KCP: variants seen among roughly 807,000 people sequenced by gnomAD.
KCP encodes the protein kielin/chordin-like protein.
KCP carries 194 observed loss-of-function variants against 212.7 expected under a neutral mutation model. The observed-to-expected ratio is 0.91, with a 90% CI of 0.81 to 1.03. KCP has a LOEUF of 1.03. KCP is among the 50% of genes least tolerant of loss of function. KCP has a pLI of 0.00. For missense variants in KCP, 2,080 were observed against 2,162.5 expected, an observed-to-expected ratio of 0.96 and a Z score of 0.76; for synonymous variants, 833 against 865.3, an observed-to-expected ratio of 0.96 and a Z score of 0.65.
chr7:128,906,452 A>C lies in KCP; in HGVS notation c.487-89T>G, dbSNP rs1256310230. ...GTAAAACCTCAGCCCAGGCTGGGAC[A>C]TGTCATAGGGGCAAGAGGATGAGTT... is the stretch of plus-strand genomic sequence containing the variant. On this transcript the variant is annotated intron_variant, in intron 4 of 39. Coordinates refer to ENST00000610776, the MANE Select transcript of KCP (RefSeq NM_001366122.1). The C allele has an allele frequency of 3.2e-6, 3 of 923,432 alleles. No homozygotes were observed. In the African/African-American group the frequency reaches 4.9e-5, roughly 15 times the overall value. The allele number at this position is 923,432 out of a possible 1,614,324, so 57.2% of individuals were successfully genotyped here.
At position 128,892,710 on chromosome 7, in the gene KCP, G is replaced by T; in HGVS notation, c.1505C>A (p.Pro502His). Residue 502 changes from proline to histidine, a missense_variant, in exon 15 of 40, where the codon CCT becomes CAT. Coordinates refer to ENST00000610776, the MANE Select transcript of KCP (RefSeq NM_001366122.1). ...NGQNFTDADS[P>H]CHACHCQDGT... is the part of the protein sequence containing the mutation. ...TACCTGACAGTGGCAGGCATGGCAA[G>T]GGCTGTCTGCATCCGTGAAGTTCTG... 1 of 1,551,656 alleles carries T rather than the reference G, an allele frequency of 6.4e-7. No individual in the cohort carries two copies. Among genetic ancestry groups the T allele is most frequent in the Non-Finnish European group, 8.7e-7 (1 of 1,146,952 alleles).
Position 128,888,934 on chromosome 7 carries a change from CGGCCGCA to C in KCP, c.2434_2440del (p.Cys812AlafsTer271). 3.9e-6 allele frequency: 6 copies of C among 1,549,972 alleles called. No individual in the cohort carries two copies. In the South Asian group the frequency reaches 6.0e-5, roughly 15 times the overall value. On this transcript the variant is annotated frameshift_variant, in exon 22 of 40. Transcript: ENST00000610776. LOFTEE classifies it high-confidence loss of function. ...GCAGCCCGGAGGCTCACAGGGCCGG[CGGCCGCA>C]GGTCACGAAGCCTCCAAGACAGGTA...
chr7:128,881,639 G>A lies in KCP; in HGVS notation c.3411C>T (p.Cys1137=), dbSNP rs886632916. 6.0e-6 allele frequency: 9 copies of A among 1,504,326 alleles called. No individual in the cohort carries two copies. Among genetic ancestry groups the A allele is most frequent in the Non-Finnish European group, 8.0e-6 (9 of 1,131,710 alleles). 93.2% of individuals were successfully genotyped at this position (1,504,326 alleles called of 1,614,324 possible). A position where few individuals can be genotyped will look rare whatever the true frequency, so the allele number is the denominator to read the frequency against. ...CTGGGCACTTACCCCGGCATACGGG[G>A]CAGCAGCTCCCAGGGGGAGTGTGGC... ...SERHTPPGSC[C]PVCRECVVEA... The change falls in exon 31 of 40, where the codon TGC becomes TGT. Residue 1137 remains cysteine (C), a synonymous_variant. Coordinates refer to ENST00000610776, the MANE Select transcript of KCP (RefSeq NM_001366122.1).
At position 128,885,335 on chromosome 7, in the gene KCP, C is replaced by A; in HGVS notation, c.2867-65G>T. ...GATCTGGACATCTGCTCCTGGCCCC[C>A]ACCCTCAGTGGTCAGCTAGGCACGT... On this transcript the variant is annotated intron_variant, in intron 26 of 39. Coordinates refer to ENST00000610776, the MANE Select transcript of KCP (RefSeq NM_001366122.1). The A allele has an allele frequency of 2.0e-6, 3 of 1,472,964 alleles. No homozygotes were observed. The South Asian group carries it at 4.0e-5, about 20-fold the overall frequency. 91.2% of individuals were successfully genotyped at this position (1,472,964 alleles called of 1,614,324 possible).
intron 1 of KCP, among the ~76,000 whole-genome samples, chr7:128,909,641 G>T (rs1400879332): frequency 6.6e-6 from 1 of 151,924 alleles, no homozygotes. Context: ...AAGACAAAGC[G>T]TCCCTGCCTC....
chr7:128,885,336 A>T, intron 26 of KCP, 66 bp from the exon 27 acceptor site: 3 of 1,469,838 alleles, frequency 2.0e-6, no homozygotes, highest in Non-Finnish European at 2.7e-6. Flanking sequence ...CCTGGCCCCC[A>T]CCCTCAGTGG....
Position 128,893,809 on chromosome 7 carries a change from C to T in KCP, c.1096G>A (p.Asp366Asn), listed in dbSNP as rs1305219856. ...KIPGQCCPVC[D>N]GCEYQGHQYQ... is the part of the protein sequence containing the mutation. ...AGAGACCCCGGCCCCCACTCACCAT[C>T]GCAGACAGGGCAGCACTGCCCAGGG... is the stretch of plus-strand genomic sequence containing the variant. Residue 366 changes from aspartate (D) to asparagine (N), a missense_variant, in exon 11 of 40, where the codon GAT becomes AAT. By Grantham distance (23) the Asp-to-Asn change is conservative (BLOSUM62 1). Transcript: ENST00000610776. 35 of 1,550,428 alleles carry T rather than the reference C, an allele frequency of 2.3e-5. No homozygotes were observed. Among genetic ancestry groups the T allele is most frequent in the African/African-American group, 2.7e-5 (2 of 73,070 alleles).
rs558066345 is a variant in KCP at position 128,892,999 on chromosome 7, C to A, written c.1290G>T (p.Glu430Asp). ...LCPACELDGE[E>D]FAEGVQWEPD... is the part of the protein sequence containing the mutation. ...GCTCCCACTGGACTCCCTCAGCAAA[C>A]TCCTCTCCATCCAGCTCACAGGCTG... Residue 430 changes from glutamate (E) to aspartate (D), a missense_variant, in exon 14 of 40, where the codon GAG becomes GAT. By Grantham distance (45) the Glu-to-Asp change is conservative. Coordinates refer to ENST00000610776, the MANE Select transcript of KCP (RefSeq NM_001366122.1). 37 of 994,158 alleles carry A rather than the reference C, an allele frequency of 3.7e-5. No individual in the cohort carries two copies. Among genetic ancestry groups the A allele is most frequent in the Non-Finnish European group, 5.6e-5 (36 of 637,770 alleles). The allele number at this position is 994,158 out of a possible 1,614,324, so 61.6% of individuals were successfully genotyped here.
intron 22 of KCP, among the ~76,000 whole-genome samples, chr7:128,887,892 C>T (rs556184605): frequency 4.5e-4 from 67 of 149,890 alleles, no homozygotes; most frequent in African/African-American, 1.3e-3. Flanking sequence ...CACATAGCCA[C>T]GCACACACAT....
At chr7:128,910,423 G>T (rs772691290) in intron 1 of KCP, among the ~76,000 whole-genome samples, 178 bp downstream of exon 1, 3 of 152,246 alleles carry the variant, frequency 2.0e-5, no homozygotes, top group Non-Finnish European at 2.9e-5. Context: ...TTTGGCCGTG[G>T]TCTTCCCCAC....
At chr7:128,877,350 G>A in intron 39 of KCP, 39 bp from the exon 40 acceptor site, 1 of 1,527,308 alleles carries the variant, frequency 6.5e-7, no homozygotes, top group Non-Finnish European at 8.8e-7. Flanking sequence ...CAAGGCACCT[G>A]AAACTGCCCC....
chr7:128,890,835 G>A (rs1794066046), intron 20 of KCP, 70 bp downstream of exon 20: 1 of 1,165,154 alleles, frequency 8.6e-7, no homozygotes, highest in East Asian at 3.0e-5. Context: ...AGGGGACTGG[G>A]CAGGGCGCTC....
In KCP at chr7:128,885,265, G is replaced by T; in HGVS notation, c.2872C>A (p.Leu958Met). 6.5e-7 allele frequency: 1 copy of T among 1,542,570 alleles called. No individual in the cohort carries two copies. Among genetic ancestry groups the T allele is most frequent in the Non-Finnish European group, 8.8e-7 (1 of 1,140,658 alleles). ...TCGGGGTGCTCTTCCCCATGAGCCA[G>T]GCAGCCTGTGGTGCAAAGTGGGCAG... ...GSCCPRCRGC[L>M]AHGEEHPEGS... is the part of the protein sequence containing the mutation. Residue 958 changes from leucine to methionine, a missense_variant, in exon 27 of 40, where the codon CTG becomes ATG. Physicochemically the swap from Leu to Met is conservative, Grantham distance 15. Transcript: ENST00000610776.
intron 26 of KCP, among the ~76,000 whole-genome samples, chr7:128,886,071 TTTTTG>T (rs1417628586): frequency 2.6e-5 from 4 of 152,144 alleles, no homozygotes; most frequent in African/African-American, 9.7e-5. Flanking sequence ...GAGGGGCAGC[TTTTTG>T]TTTTATTTTT....
Position 128,907,231 on chromosome 7 carries a change from G to T in KCP, c.409+33C>A, listed in dbSNP as rs1382095397. 4 of 1,537,904 alleles carry T rather than the reference G, an allele frequency of 2.6e-6. No individual in the cohort carries two copies. The South Asian group carries it at 4.8e-5, about 18-fold the overall frequency. ...CCCCATGCCATCTGCAGGTCTTTAGGTGGCCCCAGTGGGCGGATAGGGTGG... is the reference window on the plus strand; with the variant it reads ...CCCCATGCCATCTGCAGGTCTTTAGTTGGCCCCAGTGGGCGGATAGGGTGG... On this transcript the variant is annotated intron_variant, in intron 3 of 39. Coordinates refer to ENST00000610776, the MANE Select transcript of KCP (RefSeq NM_001366122.1).
rs1275330895 is a variant in KCP at position 128,892,898 on chromosome 7, G to A, written c.1391C>T (p.Ala464Val). ...PKCGAVLCPP[A>V]PCQHPTQPPG... Reference sequence around the variant, plus strand: ...GGGCTGGGTGGGGTGCTGGCAGGGGGCTGGGGGGCAGAGCACAGCCCCGCA... The same window carrying A: ...GGGCTGGGTGGGGTGCTGGCAGGGGACTGGGGGGCAGAGCACAGCCCCGCA... The change falls in exon 14 of 40, where the codon GCC (alanine) becomes GTC (valine). Residue 464 changes from alanine to valine, a missense_variant. By Grantham distance (64) the Ala-to-Val change is moderately conservative. Coordinates refer to ENST00000610776, the MANE Select transcript of KCP (RefSeq NM_001366122.1). The A allele has an allele frequency of 4.5e-6, 7 of 1,546,890 alleles. No individual in the cohort carries two copies. The highest frequency in any genetic ancestry group is 1.4e-5 in the African/African-American group (1 of 73,078).
At chr7:128,900,914 A>G (rs1341235150) in intron 8 of KCP, among the ~76,000 whole-genome samples, 1 of 152,230 alleles carries the variant, frequency 6.6e-6, no homozygotes, top group Non-Finnish European at 1.5e-5. Flanking sequence ...GAGCAACTCC[A>G]TCTTAAATAG....
rs748532995 is a variant in KCP, at chr7:128,910,669, C to G, written c.8G>C (p.Gly3Ala). ...AAGGGACAGCGCAGCGGCCCCGACC[C>G]CGGCCATGCTAGCTCCGCCTCGCTC... MA[G>A]VGAAALSLLL... Residue 3 changes from glycine to alanine, a missense_variant, in exon 1 of 40, where the codon GGG (glycine) becomes GCG (alanine). Physicochemically the swap from Gly to Ala is moderately conservative, Grantham distance 60. Transcript: ENST00000610776. 2.7e-5 allele frequency: 41 copies of G among 1,505,992 alleles called. No individual in the cohort carries two copies. In the East Asian group the frequency reaches 6.2e-4, roughly 23 times the overall value. 93.3% of individuals were successfully genotyped at this position (1,505,992 alleles called of 1,614,324 possible). A position where few individuals can be genotyped will look rare whatever the true frequency, so the allele number is the denominator to read the frequency against.
In KCP at chr7:128,884,803, G is replaced by T; in HGVS notation, c.3101C>A (p.Pro1034His). ...TACCTCGCAGATGCACACTTCACAG[G>T]GGTCTGCCCCAGGCTGGAAGCTCTC... ...PGESFQPGAD[P>H]CEVCICEPQP... The change falls in exon 28 of 40, where the codon CCC becomes CAC. Residue 1034 changes from proline (P) to histidine (H), a missense_variant. By Grantham distance (77) the Pro-to-His change is moderately conservative (BLOSUM62 -2). Coordinates refer to ENST00000610776, the MANE Select transcript of KCP (RefSeq NM_001366122.1). 1 of 1,551,066 alleles carries T rather than the reference G, an allele frequency of 6.4e-7. No individual in the cohort carries two copies. The highest frequency in any genetic ancestry group is 1.2e-5 in the South Asian group (1 of 84,058).
Sources: gnomAD v4.1 joint callset for allele counts (sites outside exome capture counted in the v4.1 genomes callset) on GRCh38, gnomAD v4.1.1 for gene constraint, MANE v1.5 for transcripts, NCBI Gene and HGNC (gene_info 2026-07-23, HGNC 2026-07-21) for gene names.